The following PCDH15 variants were observed in gnomAD, a reference collection of about 807,000 sequenced individuals.
The protein encoded by PCDH15 is protocadherin-15.
PCDH15 carries 129 observed loss-of-function variants against 178.5 expected under a neutral mutation model. The observed-to-expected ratio is 0.72, with a 90% CI of 0.63 to 0.84. The LOEUF is 0.84. Among genes scored for constraint, PCDH15 ranks in the 40% least tolerant of loss-of-function variants. PCDH15 has a pLI of 0.00. For missense variants in PCDH15, 2,230 were observed against 2,099.9 expected, an observed-to-expected ratio of 1.06 and a Z score of -1.21; for synonymous variants, 800 against 732.0, an observed-to-expected ratio of 1.09 and a Z score of -1.50.
intron 14 of PCDH15, 126 bp downstream of exon 14, chr10:54,152,974 C>G: frequency 1.7e-6 from 2 of 1,155,896 alleles, no homozygotes; most frequent in Non-Finnish European, 2.5e-6. Flanking sequence ...AGAATCTGGT[C>G]TCTCTGATTT....
chr10:55,044,432 T>C (rs878871841), intron 2 of PCDH15, among the ~76,000 whole-genome samples: 2 of 152,124 alleles, frequency 1.3e-5, no homozygotes, highest in African/African-American at 4.8e-5. Flanking sequence ...GTGACTCCAC[T>C]TATTTTCAGT....
chr10:55,394,889 C>T (rs1837883419), intron 2 of PCDH15, among the ~76,000 whole-genome samples: 1 of 152,012 alleles, frequency 6.6e-6, no homozygotes, highest in Non-Finnish European at 1.5e-5. Flanking sequence ...AGTTAGAACA[C>T]CTGGCTTTAG....
intron 2 of PCDH15, among the ~76,000 whole-genome samples, chr10:55,009,875 A>G (rs899048415): frequency 1.3e-5 from 2 of 152,112 alleles, no homozygotes; most frequent in Admixed American, 1.3e-4. Flanking sequence ...AGAACTGCAT[A>G]CCTCTAGTTC....
At chr10:53,897,959 CTTTTTTTTTTTT>C (rs66513139) in intron 26 of PCDH15, among the ~76,000 whole-genome samples, 6 of 82,410 alleles carry the variant, frequency 7.3e-5, no homozygotes, top group African/African-American at 1.6e-4. Context: ...TTTCTTTTCC[CTTTTTTTTTTTT>C]TTTTTTTTTT....
chr10:53,983,835 T>G (rs1014941775), intron 21 of PCDH15, among the ~76,000 whole-genome samples: 3 of 152,156 alleles, frequency 2.0e-5, no homozygotes, highest in Admixed American at 6.6e-5. Context: ...TGACCCTATA[T>G]TCTATGCCTT....
intron 34 of PCDH15, 103 bp from the exon 35 acceptor site, chr10:53,816,380 G>GT (rs1320000487): frequency 4.3e-5 from 17 of 395,788 alleles, no homozygotes; most frequent in Non-Finnish European, 5.8e-5. Flanking sequence ...AGTTTAAAAC[G>GT]TGTTTCCTTG....
intron 3 of PCDH15, among the ~76,000 whole-genome samples, chr10:54,437,113 G>T (rs1410928582): frequency 3.9e-5 from 6 of 152,150 alleles, no homozygotes; most frequent in African/African-American, 1.4e-4. Flanking sequence ...AAGGAATTTT[G>T]TTGTAGCTGT....
intron 7 of PCDH15, among the ~76,000 whole-genome samples, chr10:54,325,166 T>C (rs1286367298): frequency 6.6e-6 from 1 of 152,054 alleles, no homozygotes; most frequent in Non-Finnish European, 1.5e-5. Context: ...CAAAACTCAA[T>C]TACCTTAATT....
At chr10:54,401,378 T>C (rs1204775024) in intron 3 of PCDH15, among the ~76,000 whole-genome samples, 1 of 151,866 alleles carries the variant, frequency 6.6e-6, no homozygotes, top group Non-Finnish European at 1.5e-5. Flanking sequence ...AAAATTGACA[T>C]TTTAGGTTAA....
chr10:53,838,831 G>A (rs1222875459), intron 29 of PCDH15, among the ~76,000 whole-genome samples: 2 of 152,064 alleles, frequency 1.3e-5, no homozygotes, highest in East Asian at 3.9e-4. Flanking sequence ...TAAAATCAGA[G>A]TGCGAGCTAT....
intron 1 of PCDH15, among the ~76,000 whole-genome samples, chr10:54,669,895 A>T (rs2094631228): frequency 6.6e-6 from 1 of 151,680 alleles, no homozygotes; most frequent in Non-Finnish European, 1.5e-5. Flanking sequence ...TCTACTAAAA[A>T]TATAAAATAT....
chr10:54,881,670 A>T (rs1954264809), intron 3 of PCDH15, among the ~76,000 whole-genome samples: 1 of 152,114 alleles, frequency 6.6e-6, no homozygotes, highest in Admixed American at 6.6e-5. Context: ...GTCTACCTCA[A>T]AAAACAGTGT....
At chr10:54,107,558 T>C (rs1237021917) in intron 15 of PCDH15, among the ~76,000 whole-genome samples, 1 of 152,142 alleles carries the variant, frequency 6.6e-6, no homozygotes, top group Non-Finnish European at 1.5e-5. Flanking sequence ...TGGCCATGTT[T>C]GGAAGATGAA....
At chr10:54,375,787 T>A (rs1948306663) in intron 4 of PCDH15, among the ~76,000 whole-genome samples, 1 of 115,244 alleles carries the variant, frequency 8.7e-6, no homozygotes, top group Admixed American at 8.1e-5. Flanking sequence ...ATATTTGAAA[T>A]GGAATATATA....
At chr10:54,785,441 T>C (rs1950768562) in intron 1 of PCDH15, among the ~76,000 whole-genome samples, 2 of 152,034 alleles carry the variant, frequency 1.3e-5, no homozygotes, top group African/African-American at 4.8e-5. Context: ...GCATTATGTA[T>C]ACAATTCCTG....
intron 2 of PCDH15, among the ~76,000 whole-genome samples, chr10:55,480,327 C>A (rs1840152614): frequency 6.6e-6 from 1 of 151,704 alleles, no homozygotes; most frequent in Non-Finnish European, 1.5e-5. Flanking sequence ...TTATTTCTTT[C>A]TCTTGCCTGA....
intron 15 of PCDH15, among the ~76,000 whole-genome samples, chr10:54,122,242 A>AG (rs2041596863): frequency 1.3e-5 from 2 of 152,214 alleles, no homozygotes; most frequent in South Asian, 4.2e-4. Flanking sequence ...TGATCCGATC[A>AG]CATGAACACA....
intron 3 of PCDH15, among the ~76,000 whole-genome samples, chr10:54,832,734 T>C (rs1347054694): frequency 1.3e-5 from 2 of 152,192 alleles, no homozygotes; most frequent in Non-Finnish European, 2.9e-5. Flanking sequence ...GAGGACCCTT[T>C]TATTACTGGA....
At chr10:54,557,264 G>A (rs1464262905) in intron 2 of PCDH15, among the ~76,000 whole-genome samples, 1 of 151,984 alleles carries the variant, frequency 6.6e-6, no homozygotes, top group Non-Finnish European at 1.5e-5. Context: ...TAAGTCTTTG[G>A]GTAGATTCTA....
Sources: gnomAD v4.1 joint callset for allele counts (sites outside exome capture counted in the v4.1 genomes callset) on GRCh38, gnomAD v4.1.1 for gene constraint, MANE v1.5 for transcripts, NCBI Gene and HGNC (gene_info 2026-07-23, HGNC 2026-07-21) for gene names.